The following RAB6B variants were observed in gnomAD, a reference collection of about 807,000 sequenced individuals.
The protein encoded by RAB6B is RAB6B, member RAS oncogene family.
A neutral mutation model predicts 31.2 loss-of-function variants in RAB6B; 7 were observed. That is an observed-to-expected ratio of 0.22 (90% CI 0.13 to 0.42). The LOEUF (loss-of-function observed/expected upper bound fraction) is 0.42. Ranked by LOEUF, RAB6B falls within the 10% of genes least tolerant of loss-of-function variation. The pLI, the probability that RAB6B is intolerant of heterozygous loss-of-function variation, is 1.00. For synonymous variants in RAB6B, 105 were observed against 104.9 expected (o/e 1.00, Z -0.01); for missense variants, 149 against 280.6 (o/e 0.53, Z 3.35).
chr3:133,848,298 T>C (rs1034917022), intron 2 of RAB6B, among the ~76,000 whole-genome samples: 1 of 152,216 alleles, frequency 6.6e-6, no homozygotes, highest in Admixed American at 6.5e-5. Context: ...AACTGGTTGC[T>C]TGGCCTCCTA....
intron 2 of RAB6B, among the ~76,000 whole-genome samples, chr3:133,847,879 G>A (rs1935927239): frequency 6.6e-6 from 1 of 152,074 alleles, no homozygotes; most frequent in Admixed American, 6.5e-5. Context: ...CTCTCTAATT[G>A]CGGTTCCTTA....
At chr3:133,886,496 T>C (rs1218284541) in intron 1 of RAB6B, among the ~76,000 whole-genome samples, 1 of 152,152 alleles carries the variant, frequency 6.6e-6, no homozygotes, top group African/African-American at 2.4e-5. Flanking sequence ...GCAGGTTTGG[T>C]GGCCCCAGAG....
intron 1 of RAB6B, among the ~76,000 whole-genome samples, chr3:133,887,964 C>T (rs1333458799): frequency 6.6e-6 from 1 of 152,186 alleles, no homozygotes. Context: ...AAGACCAGCT[C>T]CAGCAGCTCC....
intron 2 of RAB6B, among the ~76,000 whole-genome samples, chr3:133,852,293 C>T (rs1467018851): frequency 6.6e-6 from 1 of 152,108 alleles, no homozygotes; most frequent in Non-Finnish European, 1.5e-5. Flanking sequence ...GTTTTAGCAG[C>T]AAGTAAGCCA....
chr3:133,839,638 T>A (rs1412337144), intron 4 of RAB6B, 21 bp from the exon 5 acceptor site: 13 of 1,583,686 alleles, frequency 8.2e-6, no homozygotes, highest in Non-Finnish European at 1.7e-6. Flanking sequence ...AAAGTGAGGA[T>A]AAACTGAAAG....
Position 133,895,541 on chromosome 3 carries a change from A to G in RAB6B, c.-75T>C, listed in dbSNP as rs1346314548. On this transcript the variant is annotated 5_prime_UTR_variant, in exon 1 of 8. Coordinates refer to ENST00000285208, the MANE Select transcript of RAB6B (RefSeq NM_016577.4). The stretch of plus-strand genomic sequence containing the variant: ...GCAGGGAGGGGAGAGTAGGAGGGCG[A>G]GGGGAGGCGGCCGGCGGTGCGGGAG... 19 of 1,492,020 alleles carry G rather than the reference A, an allele frequency of 1.3e-5. No homozygotes were observed. Among genetic ancestry groups the G allele is most frequent in the Non-Finnish European group, 5.5e-6 (6 of 1,081,942 alleles). The allele number at this position is 1,492,020 out of a possible 1,614,324, so 92.4% of individuals were successfully genotyped here.
At chr3:133,875,884 G>A (rs1356342565) in intron 1 of RAB6B, among the ~76,000 whole-genome samples, 1 of 152,178 alleles carries the variant, frequency 6.6e-6, no homozygotes, top group Non-Finnish European at 1.5e-5. Flanking sequence ...TCAAAATCAG[G>A]CAGAGGAGAA....
chr3:133,839,979 T>A (rs1369106267), intron 4 of RAB6B, among the ~76,000 whole-genome samples: 1 of 151,302 alleles, frequency 6.6e-6, no homozygotes, highest in East Asian at 1.9e-4. Flanking sequence ...GTCACACGTG[T>A]GTGTGCATAC....
chr3:133,871,442 C>A (rs906722976), intron 1 of RAB6B, among the ~76,000 whole-genome samples: 1 of 152,244 alleles, frequency 6.6e-6, no homozygotes. Context: ...TCATGTGAGG[C>A]TGAGATTCCT....
intron 2 of RAB6B, among the ~76,000 whole-genome samples, chr3:133,847,260 G>A (rs1046534566): frequency 5.9e-5 from 9 of 152,228 alleles, no homozygotes; most frequent in African/African-American, 7.2e-5. Flanking sequence ...GATGCTAAGC[G>A]ACTTGTCAAA....
At chr3:133,832,420 T>C (rs959847967) in intron 7 of RAB6B, among the ~76,000 whole-genome samples, 4 of 152,152 alleles carry the variant, frequency 2.6e-5, no homozygotes, top group African/African-American at 9.6e-5. Flanking sequence ...GACGGAAACC[T>C]CATGCCACAC....
At chr3:133,882,378 C>G (rs540649660) in intron 1 of RAB6B, among the ~76,000 whole-genome samples, 2 of 152,350 alleles carry the variant, frequency 1.3e-5, no homozygotes, top group African/African-American at 4.8e-5. Flanking sequence ...CAAGTTCCAT[C>G]TGCACTCTGG....
chr3:133,892,073 G>C (rs1013724724), intron 1 of RAB6B, among the ~76,000 whole-genome samples: 10 of 152,098 alleles, frequency 6.6e-5, no homozygotes, highest in African/African-American at 1.4e-4. Flanking sequence ...GGAGGAAGAC[G>C]TGGGTCCCAC....
At chr3:133,829,046 C>T (rs73217239) in intron 7 of RAB6B, among the ~76,000 whole-genome samples, 194 bp from the exon 8 acceptor site, 366 of 152,290 alleles carry the variant, frequency 2.4e-3, no homozygotes, top group Non-Finnish European at 4.0e-3. Context: ...CCGTCCACTT[C>T]CCCCAGCGCC....
intron 6 of RAB6B, 66 bp downstream of exon 6, chr3:133,838,100 G>A (rs1398894978): frequency 1.5e-5 from 23 of 1,510,210 alleles, no homozygotes; most frequent in Non-Finnish European, 2.0e-5. Context: ...CTCTGAGCCT[G>A]CAGCTGACCA....
intron 2 of RAB6B, among the ~76,000 whole-genome samples, chr3:133,842,080 G>A (rs2107991969): frequency 6.6e-6 from 1 of 152,298 alleles, no homozygotes; most frequent in Middle Eastern, 3.4e-3. Context: ...CATGGGCCTG[G>A]GCTCAACACT....
At position 133,895,789 on chromosome 3, in the gene RAB6B, C is replaced by T. The variant is rs377508489; in HGVS notation, c.-323G>A. 1.1e-3 allele frequency: 373 copies of T among 338,970 alleles called. 9 individuals carry two copies. In the East Asian group the frequency reaches 0.019, roughly 17 times the overall value. 21.0% of individuals were successfully genotyped at this position (338,970 alleles called of 1,614,324 possible). On this transcript the variant is annotated 5_prime_UTR_variant, in exon 1 of 8. Transcript: ENST00000285208. ...GGAGAGAGGCGCGGGCGGAGCGGGG[C>T]GCAGGGACGGCGCGCGGGGCGGAGG... is the stretch of plus-strand genomic sequence containing the variant.
intron 1 of RAB6B, among the ~76,000 whole-genome samples, chr3:133,872,167 C>T (rs979900858): frequency 3.9e-5 from 6 of 152,236 alleles, no homozygotes; most frequent in Admixed American, 1.3e-4. Flanking sequence ...GAAGGTGGTG[C>T]TCAGGGCTGA....
intron 1 of RAB6B, among the ~76,000 whole-genome samples, chr3:133,887,251 G>C (rs1190974662): frequency 6.6e-6 from 1 of 152,218 alleles, no homozygotes; most frequent in Non-Finnish European, 1.5e-5. Context: ...GGAAGCAGAA[G>C]TGCAGGATAG....
Sources: gnomAD v4.1 joint callset for allele counts (sites outside exome capture counted in the v4.1 genomes callset) on GRCh38, gnomAD v4.1.1 for gene constraint, MANE v1.5 for transcripts, NCBI Gene and HGNC (gene_info 2026-07-23, HGNC 2026-07-21) for gene names.